The following ASTN2 variants were observed in gnomAD, a reference collection of about 807,000 sequenced individuals.
ASTN2 encodes astrotactin-2.
Under a neutral mutation model 139.8 loss-of-function variants are expected in ASTN2, and 54 were observed. The observed-to-expected ratio is 0.39, with a 90% CI of 0.31 to 0.48. The LOEUF (loss-of-function observed/expected upper bound fraction) is 0.48, where lower values mean the gene tolerates loss of function less well. Among genes scored for constraint, ASTN2 ranks in the 20% least tolerant of loss-of-function variants. The pLI is 0.95. For missense variants in ASTN2, 1,565 were observed against 1,725.1 expected (o/e 0.91, Z 1.64); for synonymous variants, 756 against 719.5 (o/e 1.05, Z -0.81).
chr9:116,736,680 G>A (rs963785982), intron 13 of ASTN2, among the ~76,000 whole-genome samples: 3 of 152,130 alleles, frequency 2.0e-5, no homozygotes, highest in Admixed American at 2.0e-4. Context: ...CAGTTTAACC[G>A]ACAAGGAAAT....
At chr9:117,033,291 A>G (rs1205429242) in intron 6 of ASTN2, among the ~76,000 whole-genome samples, 1 of 152,124 alleles carries the variant, frequency 6.6e-6, no homozygotes, top group East Asian at 1.9e-4. Flanking sequence ...GAGATTTTCT[A>G]TGATGGGGAA....
At chr9:116,731,716 G>A (rs750679210) in intron 14 of ASTN2, among the ~76,000 whole-genome samples, 4 of 152,244 alleles carry the variant, frequency 2.6e-5, no homozygotes, top group African/African-American at 9.6e-5. Flanking sequence ...GAGCCACTGC[G>A]CCCGGCCCAT....
chr9:116,726,050 C>T (rs950635781), intron 15 of ASTN2, 100 bp from the exon 16 acceptor site: 1 of 1,199,106 alleles, frequency 8.3e-7, no homozygotes, highest in South Asian at 1.5e-5. Flanking sequence ...TATTTTGTGC[C>T]TTACCCCTCA....
At chr9:116,560,041 C>A (rs1852827319) in intron 19 of ASTN2, among the ~76,000 whole-genome samples, 2 of 152,192 alleles carry the variant, frequency 1.3e-5, no homozygotes, top group Non-Finnish European at 2.9e-5. Context: ...CCAGGATGGT[C>A]TGGCTGTAAT....
chr9:117,137,710 C>CTT, intron 4 of ASTN2, among the ~76,000 whole-genome samples: 1 of 146,148 alleles, frequency 6.8e-6, no homozygotes, highest in African/African-American at 2.5e-5. Context: ...AATTTCCAAA[C>CTT]TTTTTTTTTT....
chr9:116,630,228 T>TA (rs2131856555), intron 17 of ASTN2, among the ~76,000 whole-genome samples: 1 of 152,278 alleles, frequency 6.6e-6, no homozygotes, highest in East Asian at 1.9e-4. Context: ...CTAAGTTACA[T>TA]AGCCAGTATA....
At chr9:117,090,354 CT>C (rs1828675531) in intron 5 of ASTN2, among the ~76,000 whole-genome samples, 1 of 152,156 alleles carries the variant, frequency 6.6e-6, no homozygotes, top group Non-Finnish European at 1.5e-5. Flanking sequence ...ATCCCTTTGC[CT>C]TTTTCTCCTT....
At chr9:117,389,740 G>A (rs2130942561) in intron 1 of ASTN2, among the ~76,000 whole-genome samples, 1 of 152,102 alleles carries the variant, frequency 6.6e-6, no homozygotes, top group African/African-American at 2.4e-5. Context: ...GAAGCACTAG[G>A]TATGCGGTAT....
At chr9:116,824,778 G>A (rs145373903) in intron 11 of ASTN2, among the ~76,000 whole-genome samples, 7 of 152,322 alleles carry the variant, frequency 4.6e-5, no homozygotes, top group Admixed American at 6.5e-5. Context: ...TTAGCACAGT[G>A]ATCAACAAAT....
intron 2 of ASTN2, among the ~76,000 whole-genome samples, chr9:117,286,022 A>G (rs1834441012): frequency 6.6e-6 from 1 of 152,258 alleles, no homozygotes; most frequent in Non-Finnish European, 1.5e-5. Context: ...GTTTCTATCT[A>G]GTAACTCTTG....
chr9:116,933,005 CAAAAAAAAA>C (rs34505075), intron 10 of ASTN2, among the ~76,000 whole-genome samples: 1 of 70,054 alleles, frequency 1.4e-5, no homozygotes, highest in African/African-American at 5.5e-5. Flanking sequence ...GACTCTGTCT[CAAAAAAAAA>C]AAAAAAAAAA....
intron 2 of ASTN2, among the ~76,000 whole-genome samples, chr9:117,288,973 T>C (rs762562907): frequency 1.2e-4 from 18 of 152,240 alleles, no homozygotes; most frequent in Admixed American, 2.6e-4. Flanking sequence ...AGTATAATCC[T>C]TGTTCTATAA....
At chr9:117,173,955 A>G (rs1037544053) in intron 3 of ASTN2, among the ~76,000 whole-genome samples, 1 of 140,590 alleles carries the variant, frequency 7.1e-6, no homozygotes, top group Non-Finnish European at 1.5e-5. Flanking sequence ...TACTCTTACT[A>G]AAAAACAGAA....
chr9:116,571,352 T>C (rs574636656), intron 19 of ASTN2, among the ~76,000 whole-genome samples: 1 of 152,306 alleles, frequency 6.6e-6, no homozygotes, highest in Admixed American at 6.5e-5. Context: ...CCTCCTTCCC[T>C]GGGTCTTCTC....
At chr9:116,527,094 G>A (rs1434622150) in intron 19 of ASTN2, among the ~76,000 whole-genome samples, 1 of 152,090 alleles carries the variant, frequency 6.6e-6, no homozygotes, top group Non-Finnish European at 1.5e-5. Context: ...GTAACTAGAA[G>A]AAAACAGTGG....
At chr9:116,711,449 G>A (rs984569524) in intron 16 of ASTN2, among the ~76,000 whole-genome samples, 1 of 152,170 alleles carries the variant, frequency 6.6e-6, no homozygotes, top group Non-Finnish European at 1.5e-5. Flanking sequence ...TCTTCTGGAC[G>A]ATACCATCTT....
chr9:116,796,844 C>G (rs1830704671), intron 13 of ASTN2, among the ~76,000 whole-genome samples: 2 of 152,128 alleles, frequency 1.3e-5, no homozygotes, highest in African/African-American at 4.8e-5. Context: ...CAGGATCTCA[C>G]AGTGTCACCC....
intron 5 of ASTN2, among the ~76,000 whole-genome samples, chr9:117,073,858 G>T (rs1024266718): frequency 6.6e-6 from 1 of 152,146 alleles, no homozygotes; most frequent in Admixed American, 6.5e-5. Flanking sequence ...ACCAGGTGAG[G>T]CTGAGAATGG....
chr9:116,588,339 T>C (rs1418116419), intron 19 of ASTN2, among the ~76,000 whole-genome samples: 1 of 152,230 alleles, frequency 6.6e-6, no homozygotes, highest in Non-Finnish European at 1.5e-5. Flanking sequence ...GAAAATACTT[T>C]AGCAGCACAT....
Sources: allele counts gnomAD v4.1 joint callset (sites outside exome capture counted in the v4.1 genomes callset), GRCh38; gene constraint gnomAD v4.1.1; transcripts MANE v1.5; gene names NCBI Gene and HGNC (gene_info 2026-07-23, HGNC 2026-07-21).